The following NELL1 variants were observed in gnomAD, a reference collection of about 807,000 sequenced individuals.
NELL1 encodes neural EGFL like 1.
NELL1 carries 76 observed loss-of-function variants against 107.4 expected under a neutral mutation model. The observed-to-expected ratio is 0.71, with a 90% CI of 0.59 to 0.86. The LOEUF is 0.86. Among genes scored for constraint, NELL1 ranks in the 40% least tolerant of loss-of-function variants. The pLI is 0.00. For missense variants in NELL1, 1,024 were observed against 1,005.5 expected (o/e 1.02, Z -0.25); for synonymous variants, 353 against 341.2 (o/e 1.03, Z -0.38).
At chr11:21,321,583 C>T (rs1850011965) in intron 14 of NELL1, among the ~76,000 whole-genome samples, 1 of 152,122 alleles carries the variant, frequency 6.6e-6, no homozygotes. Context: ...CTGATATTTG[C>T]TACGTGCTGA....
chr11:20,751,965 T>G (rs1856150866), intron 2 of NELL1, among the ~76,000 whole-genome samples: 1 of 152,228 alleles, frequency 6.6e-6, no homozygotes, highest in South Asian at 2.1e-4. Context: ...TTTTTTCTTT[T>G]TTAATGTGGC....
chr11:21,225,768 A>G (rs111343780), intron 13 of NELL1, among the ~76,000 whole-genome samples: 6 of 152,348 alleles, frequency 3.9e-5, no homozygotes, highest in African/African-American at 1.4e-4. Flanking sequence ...TAGTAGCAGC[A>G]GCAGCAATGA....
chr11:21,173,646 G>C (rs1038788021), intron 13 of NELL1, among the ~76,000 whole-genome samples: 6 of 151,858 alleles, frequency 4.0e-5, no homozygotes, highest in African/African-American at 1.5e-4. Context: ...GAAGAGGCAA[G>C]CACATGAACA....
At chr11:21,462,569 G>T (rs10833542) in intron 15 of NELL1, among the ~76,000 whole-genome samples, 47,335 of 151,904 alleles carry the variant, frequency 0.31, 8,721 homozygotes, top group Non-Finnish European at 0.41. Flanking sequence ...GTATTATCTA[G>T]AGAGGATATT....
intron 18 of NELL1, among the ~76,000 whole-genome samples, chr11:21,572,482 A>G (rs1053425400): frequency 7.6e-5 from 10 of 130,766 alleles, no homozygotes; most frequent in Non-Finnish European, 1.2e-4. Context: ...AAGTTGCCAT[A>G]TATTGTAAGG....
Position 21,367,337 on chromosome 11 carries a change from A to T in NELL1, c.1550-3516A>T, listed in dbSNP as rs186285419. Reference sequence around the variant, plus strand: ...TGCCACACTTCAGAATCTGGGTAGCAGTTGAAGAAGTACCAACATATGAAG... The same window carrying T: ...TGCCACACTTCAGAATCTGGGTAGCTGTTGAAGAAGTACCAACATATGAAG... On this transcript the variant is annotated intron_variant, in intron 14 of 19. Coordinates refer to ENST00000357134, the MANE Select transcript of NELL1 (RefSeq NM_006157.5). Among the ~76,000 whole-genome samples the T allele has an allele frequency of 2.6e-5, 4 of 151,896 alleles. No individual in the cohort carries two copies. In the East Asian group the frequency reaches 7.8e-4, roughly 30 times the overall value.
At chr11:20,900,596 A>C (rs1849851106) in intron 5 of NELL1, among the ~76,000 whole-genome samples, 1 of 152,116 alleles carries the variant, frequency 6.6e-6, no homozygotes, top group Non-Finnish European at 1.5e-5. Context: ...ATAAATGAGA[A>C]TACCACTCAT....
chr11:20,786,874 G>T (rs1041187184), intron 3 of NELL1, among the ~76,000 whole-genome samples: 1 of 151,598 alleles, frequency 6.6e-6, no homozygotes, highest in Non-Finnish European at 1.5e-5. Context: ...CGGGCATGGT[G>T]GCGGGCGCCT....
chr11:21,277,808 C>T (rs552286292), intron 14 of NELL1, among the ~76,000 whole-genome samples: 1 of 152,254 alleles, frequency 6.6e-6, no homozygotes, highest in African/African-American at 2.4e-5. Flanking sequence ...GACAAAAAAC[C>T]AAACACTGCG....
intron 3 of NELL1, among the ~76,000 whole-genome samples, chr11:20,840,660 G>C (rs373431734): frequency 2.6e-5 from 4 of 152,230 alleles, no homozygotes; most frequent in African/African-American, 7.2e-5. Context: ...TAAAGCACAA[G>C]TGTTCTGGTA....
chr11:20,691,768 G>A (rs867864830), intron 2 of NELL1, among the ~76,000 whole-genome samples: 36 of 152,042 alleles, frequency 2.4e-4, no homozygotes, highest in Middle Eastern at 3.4e-3. Flanking sequence ...GTCTCTGACC[G>A]GCTTTGGTAT....
chr11:21,417,551 T>C (rs1028883459), intron 15 of NELL1, among the ~76,000 whole-genome samples: 1 of 152,042 alleles, frequency 6.6e-6, no homozygotes, highest in African/African-American at 2.4e-5. Context: ...TAGTAAATCA[T>C]CTGTGATGTA....
At chr11:20,694,590 T>C (rs1854564686) in intron 2 of NELL1, among the ~76,000 whole-genome samples, 1 of 152,134 alleles carries the variant, frequency 6.6e-6, no homozygotes, top group African/African-American at 2.4e-5. Flanking sequence ...TGTGGTTTTA[T>C]TTCTGGATTC....
chr11:21,312,632 G>C lies in NELL1; in HGVS notation c.1550-58221G>C, dbSNP rs74351638. On this transcript the variant is annotated intron_variant, in intron 14 of 19. Coordinates refer to ENST00000357134, the MANE Select transcript of NELL1 (RefSeq NM_006157.5). ...GAAGGTTAGAGGATTGAAGTAAACT[G>C]TCCCTTCAGTGACAAATGTAAGTCT... Among the ~76,000 whole-genome samples, 203 of 152,110 alleles carry C rather than the reference G, an allele frequency of 1.3e-3. 2 individuals are homozygous for C. The highest frequency in any genetic ancestry group is 2.5e-3 in the Non-Finnish European group (170 of 68,008).
At chr11:20,781,628 G>C (rs1856851530) in intron 2 of NELL1, among the ~76,000 whole-genome samples, 3 of 152,068 alleles carry the variant, frequency 2.0e-5, no homozygotes, top group Admixed American at 2.0e-4. Flanking sequence ...ATTTCTAATT[G>C]ATGAGTAAAG....
At chr11:21,116,418 G>T (rs1855237419) in intron 13 of NELL1, among the ~76,000 whole-genome samples, 1 of 151,866 alleles carries the variant, frequency 6.6e-6, no homozygotes, top group African/African-American at 2.4e-5. Flanking sequence ...GTATCTTTAT[G>T]TCAACAACTC....
At chr11:20,864,611 T>A (rs575238787) in intron 4 of NELL1, among the ~76,000 whole-genome samples, 1 of 152,308 alleles carries the variant, frequency 6.6e-6, no homozygotes, top group African/African-American at 2.4e-5. Flanking sequence ...TCAATCTTGT[T>A]GGCCTTCACT....
intron 15 of NELL1, among the ~76,000 whole-genome samples, chr11:21,382,327 G>A (rs905218492): frequency 1.3e-5 from 2 of 151,860 alleles, no homozygotes; most frequent in African/African-American, 4.8e-5. Context: ...ACCCAACTTT[G>A]GGACGTAGAA....
chr11:21,052,507 T>C (rs1853517410), intron 12 of NELL1, among the ~76,000 whole-genome samples: 1 of 152,136 alleles, frequency 6.6e-6, no homozygotes, highest in South Asian at 2.1e-4. Context: ...GCCAATAATT[T>C]ATGAATGTAG....
Sources: allele counts gnomAD v4.1 joint callset (sites outside exome capture counted in the v4.1 genomes callset), GRCh38; gene constraint gnomAD v4.1.1; transcripts MANE v1.5; gene names NCBI Gene and HGNC (gene_info 2026-07-23, HGNC 2026-07-21).